The following STK31 variants were observed in gnomAD, a reference collection of about 807,000 sequenced individuals.
The protein encoded by STK31 is serine/threonine kinase 31.
Under a neutral mutation model 129.7 loss-of-function variants are expected in STK31, and 89 were observed. That is an observed-to-expected ratio of 0.69 (90% CI 0.58 to 0.82). The LOEUF (loss-of-function observed/expected upper bound fraction) is 0.82. Ranked by LOEUF, STK31 falls within the 40% of genes least tolerant of loss-of-function variation. The pLI is 0.00. For missense variants in STK31, 1,187 were observed against 1,176.4 expected (o/e 1.01, Z -0.13); for synonymous variants, 448 against 395.3 (o/e 1.13, Z -1.58).
intron 8 of STK31, among the ~76,000 whole-genome samples, chr7:23,742,447 C>G (rs185367963): frequency 6.6e-6 from 1 of 152,240 alleles, no homozygotes; most frequent in Non-Finnish European, 1.5e-5. Flanking sequence ...CCTGCTGAGG[C>G]TGCTCCAGAC....
intron 8 of STK31, among the ~76,000 whole-genome samples, chr7:23,737,785 T>C (rs1187599606): frequency 1.3e-5 from 2 of 152,208 alleles, no homozygotes; most frequent in East Asian, 3.8e-4. Flanking sequence ...TCTTCTTTTA[T>C]GGTAATCACG....
chr7:23,790,023 A>C (rs991127652), intron 21 of STK31, among the ~76,000 whole-genome samples: 8 of 152,132 alleles, frequency 5.3e-5, no homozygotes. Context: ...GTTCATGTTA[A>C]AATGCAAATT....
chr7:23,735,633 G>A lies in STK31; in HGVS notation c.579G>A (p.Glu193=), dbSNP rs756343331. Residue 193 remains glutamate, a synonymous_variant, in exon 7 of 24, where the codon GAG becomes GAA. Coordinates refer to ENST00000355870, the MANE Select transcript of STK31 (RefSeq NM_031414.5). ...ATGGAACAGTTATTGCTCAGGCTGAGTATGGCAGTGTGGATATAGGGGAAG... is the reference window on the plus strand; with the variant it reads ...ATGGAACAGTTATTGCTCAGGCTGAATATGGCAGTGTGGATATAGGGGAAG... ...SEDGTVIAQA[E]YGSVDIGEEV... is the part of the protein sequence containing the mutation. 1.2e-6 allele frequency: 2 copies of A among 1,614,128 alleles called. No individual in the cohort carries two copies. Among genetic ancestry groups the A allele is most frequent in the Non-Finnish European group, 1.7e-6 (2 of 1,180,046 alleles).
intron 1 of STK31, 133 bp downstream of exon 1, chr7:23,710,468 C>A: frequency 1.3e-6 from 2 of 1,550,118 alleles, no homozygotes; most frequent in Non-Finnish European, 1.7e-6. Context: ...TAGCCGCCCG[C>A]CACCCCAGAG....
At chr7:23,831,537 T>C (rs1368635608) in intron 23 of STK31, among the ~76,000 whole-genome samples, 1 of 152,188 alleles carries the variant, frequency 6.6e-6, no homozygotes, top group Non-Finnish European at 1.5e-5. Flanking sequence ...GTCTATATCT[T>C]TTAGGTGGAA....
At chr7:23,763,771 T>A (rs62468638) in intron 11 of STK31, among the ~76,000 whole-genome samples, 3 of 111,830 alleles carry the variant, frequency 2.7e-5, no homozygotes, top group Non-Finnish European at 3.9e-5. Context: ...TTTCATTTTC[T>A]AATGTTTTCA....
At chr7:23,780,675 G>A (rs1422365086) in intron 15 of STK31, among the ~76,000 whole-genome samples, 1 of 152,176 alleles carries the variant, frequency 6.6e-6, no homozygotes, top group African/African-American at 2.4e-5. Context: ...GCAAAGGGAT[G>A]ATGACTTAGA....
At chr7:23,795,911 G>T (rs925083314) in intron 22 of STK31, among the ~76,000 whole-genome samples, 3 of 152,198 alleles carry the variant, frequency 2.0e-5, no homozygotes, top group African/African-American at 7.2e-5. Context: ...TAACTAACTT[G>T]CTGTTGATTT....
In STK31 at chr7:23,710,312, A is replaced by C. The variant is rs546950314; in HGVS notation, c.27A>C (p.Arg9Ser). ...TGTGGGTCCAGGGTCACTCTTCTAG[A>C]GCTTCCGCAACGGAAAGTGTGAGGT... MWVQGHSS[R>S]ASATESVSFS... is the part of the protein sequence containing the mutation. Residue 9 changes from arginine to serine, a missense_variant, in exon 1 of 24, where the codon AGA becomes AGC. Arg to Ser is a moderately radical substitution (Grantham distance 110). Coordinates refer to ENST00000355870, the MANE Select transcript of STK31 (RefSeq NM_031414.5). 1.5e-4 allele frequency: 234 copies of C among 1,613,200 alleles called. 2 individuals are homozygous for C. In the South Asian group the frequency reaches 2.5e-3, roughly 17 times the overall value.
intron 8 of STK31, among the ~76,000 whole-genome samples, chr7:23,741,839 T>G (rs541916735): frequency 6.6e-6 from 1 of 152,200 alleles, no homozygotes; most frequent in South Asian, 2.1e-4. Context: ...CAGGTGTGCA[T>G]AGGAGAGCCT....
chr7:23,795,277 G>T (rs1490364821), intron 22 of STK31, among the ~76,000 whole-genome samples: 1 of 152,198 alleles, frequency 6.6e-6, no homozygotes, highest in African/African-American at 2.4e-5. Flanking sequence ...GTACAGCTCA[G>T]GCCATGGCTT....
chr7:23,824,795 T>G (rs897658749), intron 23 of STK31, among the ~76,000 whole-genome samples: 10 of 151,380 alleles, frequency 6.6e-5, no homozygotes, highest in African/African-American at 1.9e-4. Context: ...TTATTGAGAG[T>G]CTTTAGCATG....
chr7:23,717,097 C>CTTTTTGTTTTTTTT (rs1786382858), intron 3 of STK31, among the ~76,000 whole-genome samples: 1 of 42,936 alleles, frequency 2.3e-5, no homozygotes, highest in African/African-American at 1.0e-4. Flanking sequence ...TCGCAACCTG[C>CTTTTTGTTTTTTTT]TTTTTTTTTT....
chr7:23,710,152 C>T (rs1785833409), upstream of STK31: 2 of 1,509,066 alleles, frequency 1.3e-6, no homozygotes, highest in African/African-American at 2.7e-5. Flanking sequence ...CCGTGGCTGC[C>T]ACGTGACTCC....
chr7:23,825,205 T>A (rs1794055702), intron 23 of STK31, among the ~76,000 whole-genome samples: 1 of 152,240 alleles, frequency 6.6e-6, no homozygotes, highest in Non-Finnish European at 1.5e-5. Flanking sequence ...CTGGTAGAAT[T>A]TAGCTGTGAA....
At chr7:23,767,346 G>A (rs189830865) in intron 11 of STK31, among the ~76,000 whole-genome samples, 3 of 152,202 alleles carry the variant, frequency 2.0e-5, no homozygotes, top group East Asian at 1.9e-4. Context: ...TTATATGAAG[G>A]GCCTAGGGAA....
intron 22 of STK31, among the ~76,000 whole-genome samples, chr7:23,801,708 A>C (rs1056923173): frequency 1.3e-5 from 2 of 152,122 alleles, no homozygotes; most frequent in Non-Finnish European, 2.9e-5. Context: ...CTTTGGATGT[A>C]ATTTTTGTGT....
At chr7:23,800,517 G>A (rs1792300829) in intron 22 of STK31, among the ~76,000 whole-genome samples, 1 of 151,946 alleles carries the variant, frequency 6.6e-6, no homozygotes, top group Non-Finnish European at 1.5e-5. Flanking sequence ...TCACTCATAA[G>A]TGAACATGTT....
rs537226042 is a variant in STK31 at position 23,727,629 on chromosome 7, C to T, written c.324+314C>T. ...CCAGGCTGGAGTGCAGTGGTACGAT[C>T]TTGGCTCACTGCAAACTCTGCCTCC... On this transcript the variant is annotated intron_variant, in intron 5 of 23. Coordinates refer to ENST00000355870, the MANE Select transcript of STK31 (RefSeq NM_031414.5). The T allele has an allele frequency of 2.7e-4, 59 of 219,374 alleles. 1 individual carries two copies. In the South Asian group the frequency reaches 2.9e-3, roughly 11 times the overall value. 13.6% of individuals were successfully genotyped at this position (219,374 alleles called of 1,614,324 possible).
Sources: gnomAD v4.1 joint callset for allele counts (sites outside exome capture counted in the v4.1 genomes callset) on GRCh38, gnomAD v4.1.1 for gene constraint, MANE v1.5 for transcripts, NCBI Gene and HGNC (gene_info 2026-07-23, HGNC 2026-07-21) for gene names.